Variants in HPSE2 observed in about 807,000 individuals in gnomAD.
HPSE2 encodes the protein inactive heparanase-2.
In HPSE2, 38 loss-of-function variants were observed where a neutral mutation model predicts 60.5. The observed-to-expected ratio is 0.63, with a 90% CI of 0.48 to 0.82. The LOEUF (loss-of-function observed/expected upper bound fraction) is 0.82, where lower values mean the gene tolerates loss of function less well. Among genes scored for constraint, HPSE2 ranks in the 40% least tolerant of loss-of-function variants. The probability of loss-of-function intolerance (pLI) is 0.00; values close to 1 mark genes in which losing one functional copy is unlikely to be tolerated. For missense variants in HPSE2, 713 were observed against 740.4 expected (o/e 0.96, Z 0.43); for synonymous variants, 295 against 293.2 (o/e 1.01, Z -0.06).
intron 2 of HPSE2, among the ~76,000 whole-genome samples, chr10:99,202,118 G>T (rs1399540957): frequency 6.6e-6 from 1 of 152,196 alleles, no homozygotes; most frequent in African/African-American, 2.4e-5. Flanking sequence ...TAGATAGATA[G>T]AGATATAGAT....
Position 99,113,901 on chromosome 10 carries a change from G to A in HPSE2, c.610+30337C>T, listed in dbSNP as rs1364787596. On this transcript the variant is annotated intron_variant, in intron 3 of 11. Transcript: ENST00000370552. ...TACCTCATTACATGGCTGACCAAGA[G>A]TTCATATTAAAGACAAACCATTAGC... Among the ~76,000 whole-genome samples, 6 of 152,102 alleles carry A rather than the reference G, an allele frequency of 3.9e-5. No individual in the cohort carries two copies. The East Asian group carries it at 1.2e-3, about 29-fold the overall frequency.
chr10:98,825,635 T>TG (rs1428908645), intron 3 of HPSE2, among the ~76,000 whole-genome samples: 13 of 101,392 alleles, frequency 1.3e-4, no homozygotes, highest in African/African-American at 3.8e-4. Flanking sequence ...GGGGGAGGTG[T>TG]GGGGGGGAGT....
At chr10:99,239,432 T>G (rs926465193), upstream of HPSE2, among the ~76,000 whole-genome samples, 14 of 134,916 alleles carry the variant, frequency 1.0e-4, no homozygotes, top group African/African-American at 2.8e-4. Context: ...TTTTTTTTTT[T>G]TTTTTTTTTT....
At chr10:98,546,791 A>C (rs1301191097) in intron 9 of HPSE2, among the ~76,000 whole-genome samples, 1 of 151,138 alleles carries the variant, frequency 6.6e-6, no homozygotes, top group Non-Finnish European at 1.5e-5. Context: ...AACAAAAGCC[A>C]AAATTGACAA....
chr10:98,511,352 G>A (rs983940882), intron 9 of HPSE2, among the ~76,000 whole-genome samples: 23 of 151,950 alleles, frequency 1.5e-4, no homozygotes, highest in African/African-American at 3.6e-4. Flanking sequence ...GGGTTTCACC[G>A]TGTTAGCCAG....
At chr10:99,294,365 TA>T in the HPSE2 span, among the ~76,000 whole-genome samples, 1 of 147,158 alleles carries the variant, frequency 6.8e-6, no homozygotes, top group Non-Finnish European at 1.5e-5. Context: ...ATATATTATA[TA>T]GTATATAATA....
At chr10:99,128,195 T>C (rs532233398) in intron 3 of HPSE2, among the ~76,000 whole-genome samples, 11 of 152,124 alleles carry the variant, frequency 7.2e-5, no homozygotes, top group East Asian at 1.9e-4. Context: ...TTAAAAGATA[T>C]AGAATGGCAG....
intron 3 of HPSE2, among the ~76,000 whole-genome samples, chr10:98,857,249 C>T (rs1952339865): frequency 6.6e-6 from 1 of 152,172 alleles, no homozygotes; most frequent in Non-Finnish European, 1.5e-5. Context: ...CTTTACTCCA[C>T]AGTCCTCTGT....
At chr10:98,882,417 G>A (rs1453357403) in intron 3 of HPSE2, among the ~76,000 whole-genome samples, 2 of 151,880 alleles carry the variant, frequency 1.3e-5, no homozygotes, top group African/African-American at 4.8e-5. Flanking sequence ...AAAGTCATGA[G>A]TCAGTTGCGG....
intron 3 of HPSE2, among the ~76,000 whole-genome samples, chr10:98,762,762 C>G (rs1950034866): frequency 1.3e-5 from 2 of 151,730 alleles, no homozygotes; most frequent in African/African-American, 4.8e-5. Context: ...TTCAAAATGT[C>G]CAGAATATGA....
intron 9 of HPSE2, among the ~76,000 whole-genome samples, chr10:98,557,408 T>C (rs540142418): frequency 3.9e-5 from 6 of 152,264 alleles, no homozygotes; most frequent in African/African-American, 1.4e-4. Context: ...TGCTGTTGAG[T>C]CAATTGAATA....
chr10:99,056,643 G>A (rs1351956508), intron 3 of HPSE2, among the ~76,000 whole-genome samples: 2 of 152,054 alleles, frequency 1.3e-5, no homozygotes, highest in East Asian at 3.9e-4. Flanking sequence ...GATGTGAAAT[G>A]GATCATAAAC....
At chr10:98,901,911 G>C (rs2134982504) in intron 3 of HPSE2, among the ~76,000 whole-genome samples, 1 of 152,236 alleles carries the variant, frequency 6.6e-6, no homozygotes, top group East Asian at 1.9e-4. Flanking sequence ...TATGGCACAT[G>C]CTCAATTATA....
chr10:98,852,010 G>T (rs1337429946), intron 3 of HPSE2, among the ~76,000 whole-genome samples: 3 of 150,470 alleles, frequency 2.0e-5, no homozygotes, highest in Non-Finnish European at 3.0e-5. Flanking sequence ...CAGACTGTTT[G>T]CAGACAGCAC....
intron 6 of HPSE2, among the ~76,000 whole-genome samples, chr10:98,685,225 C>A (rs754619041): frequency 2.0e-4 from 30 of 152,174 alleles, no homozygotes; most frequent in Non-Finnish European, 3.5e-4. Context: ...CGTCATCAGG[C>A]AAACCACTAA....
At chr10:98,692,747 C>T (rs7920856) in intron 6 of HPSE2, among the ~76,000 whole-genome samples, 53,490 of 151,654 alleles carry the variant, frequency 0.35, 9,633 homozygotes, top group Admixed American at 0.41. Context: ...CCAGCCTGGG[C>T]GACAGAGCGA....
chr10:99,164,224 G>T (rs1846963964), intron 2 of HPSE2, among the ~76,000 whole-genome samples: 3 of 83,710 alleles, frequency 3.6e-5, no homozygotes, highest in African/African-American at 9.3e-5. Flanking sequence ...ATTTATTCAA[G>T]CATTATATAT....
rs369642337 is a variant in HPSE2 at position 98,963,269 on chromosome 10, A to C, written c.610+180969T>G. 4.6e-5 allele frequency among the ~76,000 whole-genome samples: 7 copies of C among 152,324 alleles called. No homozygotes were observed. The East Asian group carries it at 1.2e-3, about 25-fold the overall frequency. ...TTTAAAAGTTCAAATATAATTGCAG[A>C]AAATTTAGACAATACAAAAAGCAAA... On this transcript the variant is annotated intron_variant, in intron 3 of 11. Transcript: ENST00000370552.
At chr10:98,620,088 GGTT>G (rs1946031895) in intron 8 of HPSE2, among the ~76,000 whole-genome samples, 1 of 152,152 alleles carries the variant, frequency 6.6e-6, no homozygotes, top group African/African-American at 2.4e-5. Flanking sequence ...CGATTTCATT[GGTT>G]GTTAAATTAT....
Sources: allele counts gnomAD v4.1 joint callset (sites outside exome capture counted in the v4.1 genomes callset), GRCh38; gene constraint gnomAD v4.1.1; transcripts MANE v1.5; gene names NCBI Gene and HGNC (gene_info 2026-07-23, HGNC 2026-07-21).